Variants in INPP4A observed in about 807,000 individuals in gnomAD.
INPP4A encodes the protein inositol polyphosphate-4-phosphatase type I A.
A neutral mutation model predicts 119.8 loss-of-function variants in INPP4A; 33 were observed. The ratio of observed to expected loss-of-function variants is 0.28; its 90% confidence interval spans 0.21 to 0.37. The LOEUF (loss-of-function observed/expected upper bound fraction) is 0.37, where lower values mean the gene tolerates loss of function less well. Among genes scored for constraint, INPP4A ranks in the 10% least tolerant of loss-of-function variants. The probability of loss-of-function intolerance (pLI) is 1.00; values close to 1 mark genes in which losing one functional copy is unlikely to be tolerated. For missense variants in INPP4A, 956 were observed against 1,289.9 expected, an observed-to-expected ratio of 0.74 and a Z score of 3.97; for synonymous variants, 496 against 500.7, an observed-to-expected ratio of 0.99 and a Z score of 0.12.
chr2:98,547,653 G>A (rs1692712602), intron 13 of INPP4A, among the ~76,000 whole-genome samples: 4 of 152,098 alleles, frequency 2.6e-5, no homozygotes, highest in Admixed American at 2.6e-4. Context: ...GACTTAGCAT[G>A]TGTTTGGGCT....
At chr2:98,468,862 T>C (rs1675354732) in intron 1 of INPP4A, among the ~76,000 whole-genome samples, 1 of 152,092 alleles carries the variant, frequency 6.6e-6, no homozygotes, top group African/African-American at 2.4e-5. Flanking sequence ...ACACTGGTAC[T>C]TCCAGCCTAG....
At chr2:98,581,493 A>G (rs952582494) in intron 24 of INPP4A, 1 of 1,322,984 alleles carries the variant, frequency 7.6e-7, no homozygotes, top group Non-Finnish European at 1.0e-6. Context: ...GATAAAATCC[A>G]TCGCATGTGT....
chr2:98,505,861 C>T (rs1683946850), intron 1 of INPP4A, among the ~76,000 whole-genome samples: 1 of 152,190 alleles, frequency 6.6e-6, no homozygotes, highest in Non-Finnish European at 1.5e-5. Context: ...TTTCACTTTG[C>T]TATTAGTTGA....
intron 4 of INPP4A, among the ~76,000 whole-genome samples, chr2:98,526,086 CA>C (rs1688134734): frequency 6.6e-6 from 1 of 152,064 alleles, no homozygotes; most frequent in South Asian, 2.1e-4. Flanking sequence ...ATAAATTGTA[CA>C]ATGGAATATG....
At chr2:98,531,996 T>C (rs559986531) in intron 4 of INPP4A, among the ~76,000 whole-genome samples, 74 of 152,322 alleles carry the variant, frequency 4.9e-4, no homozygotes, top group South Asian at 1.0e-3. Context: ...AGACCTGATA[T>C]GGCAATCTTA....
intron 23 of INPP4A, among the ~76,000 whole-genome samples, chr2:98,576,700 A>G (rs897068760): frequency 3.9e-5 from 6 of 152,210 alleles, no homozygotes; most frequent in African/African-American, 1.2e-4. Flanking sequence ...GGACTGCAAA[A>G]GAGTGTCCTG....
chr2:98,454,108 A>G (rs953553065), intron 1 of INPP4A, among the ~76,000 whole-genome samples: 2 of 152,070 alleles, frequency 1.3e-5, no homozygotes, highest in African/African-American at 4.8e-5. Flanking sequence ...CTCCCTCTCA[A>G]AAAAAAATTT....
rs967690289 is a variant in INPP4A at position 98,520,740 on chromosome 2, C to G, written c.151+9C>G. ...TTTAGAATTTAGCTTAGGTAGGTAT[C>G]TTTCATTATTTTTTTGTTTTAAAAA... On this transcript the variant is annotated intron_variant, in intron 4 of 24. Transcript: ENST00000409851. The G allele has an allele frequency of 2.8e-6, 4 of 1,415,094 alleles. No individual in the cohort carries two copies. The highest frequency in any genetic ancestry group is 4.4e-5 in the Admixed American group (2 of 45,822). 87.7% of individuals were successfully genotyped at this position (1,415,094 alleles called of 1,614,324 possible). A position where few individuals can be genotyped will look rare whatever the true frequency, so the allele number is the denominator to read the frequency against.
intron 23 of INPP4A, among the ~76,000 whole-genome samples, chr2:98,573,736 A>G (rs1697911633): frequency 6.6e-6 from 1 of 152,156 alleles, no homozygotes; most frequent in South Asian, 2.1e-4. Context: ...AGTCTCTTCT[A>G]CAGCAGCAGA....
At position 98,452,401 on chromosome 2, in the gene INPP4A, T is replaced by G. The variant is rs56275655; in HGVS notation, c.-166+7316T>G. Among the ~76,000 whole-genome samples, 827 of 152,322 alleles carry G rather than the reference T, an allele frequency of 5.4e-3. 7 individuals are homozygous for G. The highest frequency in any genetic ancestry group is 8.0e-3 in the Non-Finnish European group (545 of 68,024). ...CTCTGGGATGGGGCCCAGAAAGCTGTGCTTTAAGAAGACTTCCAGGTGATT... is the reference window on the plus strand; with the variant it reads ...CTCTGGGATGGGGCCCAGAAAGCTGGGCTTTAAGAAGACTTCCAGGTGATT... On this transcript the variant is annotated intron_variant, in intron 1 of 24. Coordinates refer to ENST00000409851, the MANE Select transcript of INPP4A (RefSeq NM_001134225.2).
chr2:98,465,309 T>A (rs1454742395), intron 1 of INPP4A, among the ~76,000 whole-genome samples: 3 of 152,154 alleles, frequency 2.0e-5, no homozygotes, highest in South Asian at 2.1e-4. Flanking sequence ...GGGTAACATC[T>A]TCTCTCCGTG....
chr2:98,566,085 G>T lies in INPP4A; in HGVS notation c.2336G>T (p.Arg779Leu). 6.2e-7 allele frequency: 1 copy of T among 1,601,382 alleles called. No individual in the cohort carries two copies. The highest frequency in any genetic ancestry group is 8.5e-7 in the Non-Finnish European group (1 of 1,174,480). Residue 779 changes from arginine (R) to leucine (L), a missense_variant, in exon 21 of 25, where the codon CGG becomes CTG. Around this residue, in one of 2 missense-constraint regions of INPP4A, gnomAD observed 304 missense variants for 492.1 expected, o/e 0.62. Transcript: ENST00000409851. This position sits in a 1 kb window ranked among gnomAD's most constrained non-coding sequence, Gnocchi z 4.2. Reference protein sequence around the residue: ...LPGPLFDALPREIQSGMLLRV... With the variant: ...LPGPLFDALPLEIQSGMLLRV... ...GGCCCGCTGTTTGACGCCTTGCCCC[G>T]GGAGATCCAGAGTGGCATGCTGCTG...
At chr2:98,470,691 G>A (rs960439761) in intron 1 of INPP4A, among the ~76,000 whole-genome samples, 6 of 151,614 alleles carry the variant, frequency 4.0e-5, no homozygotes, top group African/African-American at 7.3e-5. Flanking sequence ...TTTTTGAGAC[G>A]GAGTCTTGCT....
intron 22 of INPP4A, 199 bp downstream of exon 22, chr2:98,568,867 G>A (rs1450206687): frequency 2.5e-5 from 14 of 553,434 alleles, no homozygotes; most frequent in Non-Finnish European, 4.2e-5. Flanking sequence ...TCTCTTTGCT[G>A]TCGATTCTCT....
rs1200535113 is a variant in INPP4A at position 98,593,334 on chromosome 2, TC to T, written c.*5728del. On this transcript the variant is annotated 3_prime_UTR_variant, in exon 25 of 25. Coordinates refer to ENST00000409851, the MANE Select transcript of INPP4A (RefSeq NM_001134225.2). Reference sequence around the variant, plus strand: ...GACACAGCACTTCACTGCTTCCTCCTCCTCGCCACCCAGCCCTCCCTCGGTG... The same window carrying T: ...GACACAGCACTTCACTGCTTCCTCCTCTCGCCACCCAGCCCTCCCTCGGTG... 6.6e-6 allele frequency: 1 copy of T among 152,640 alleles called. No individual in the cohort carries two copies. The highest frequency in any genetic ancestry group is 1.5e-5 in the Non-Finnish European group (1 of 68,220). The allele number at this position is 152,640 out of a possible 1,614,324, so 9.5% of individuals were successfully genotyped here.
intron 1 of INPP4A, among the ~76,000 whole-genome samples, chr2:98,514,141 C>T (rs975274563): frequency 2.0e-5 from 3 of 152,106 alleles, no homozygotes; most frequent in African/African-American, 4.8e-5. Flanking sequence ...TCAGTGAACC[C>T]GTCGTCTTTA....
intron 4 of INPP4A, among the ~76,000 whole-genome samples, chr2:98,525,560 T>A (rs1358295091): frequency 1.3e-5 from 2 of 152,134 alleles, no homozygotes; most frequent in Non-Finnish European, 2.9e-5. Flanking sequence ...AAATAAGAAA[T>A]TGCTGTCCAT....
At chr2:98,471,499 A>G (rs1168168729) in intron 1 of INPP4A, among the ~76,000 whole-genome samples, 1 of 152,146 alleles carries the variant, frequency 6.6e-6, no homozygotes, top group Non-Finnish European at 1.5e-5. Context: ...CCATCTGAGA[A>G]TTTTAAGCTC....
chr2:98,527,979 A>T (rs1460703653), intron 4 of INPP4A, among the ~76,000 whole-genome samples: 1 of 152,254 alleles, frequency 6.6e-6, no homozygotes, highest in Non-Finnish European at 1.5e-5. Flanking sequence ...ACAAGAAGTT[A>T]TGAGATGTTG....
Sources: allele counts gnomAD v4.1 joint callset (sites outside exome capture counted in the v4.1 genomes callset), GRCh38; gene constraint gnomAD v4.1.1; regional missense constraint gnomAD v4.1.1; non-coding constraint Gnocchi (gnomAD v3.1); transcripts MANE v1.5; gene names NCBI Gene and HGNC (gene_info 2026-07-23, HGNC 2026-07-21).